GPC6: variants seen among roughly 807,000 people sequenced by gnomAD.
The protein encoded by GPC6 is glypican 6, also known as glypican-6.
Under a neutral mutation model 55.2 loss-of-function variants are expected in GPC6, and 14 were observed. The observed-to-expected ratio is 0.25, with a 90% confidence interval of 0.17 to 0.40. The LOEUF is 0.40. Among genes scored for constraint, GPC6 ranks in the 10% least tolerant of loss-of-function variants. GPC6 has a pLI of 1.00. For synonymous variants in GPC6, 278 were observed against 259.6 expected (o/e 1.07, Z -0.68); for missense variants, 641 against 708.5 (o/e 0.90, Z 1.08).
chr13:93,628,862 A>G (rs1879314671), intron 2 of GPC6, among the ~76,000 whole-genome samples: 1 of 152,186 alleles, frequency 6.6e-6, no homozygotes, highest in Non-Finnish European at 1.5e-5. Flanking sequence ...ATGGAAACAA[A>G]GATTAGTTTT....
At chr13:94,245,892 G>A (rs747025109) in intron 4 of GPC6, among the ~76,000 whole-genome samples, 3 of 152,100 alleles carry the variant, frequency 2.0e-5, no homozygotes, top group Non-Finnish European at 2.9e-5. Flanking sequence ...AAGAGGAATT[G>A]CTACAACATA....
At chr13:93,608,839 A>G (rs568964110) in intron 2 of GPC6, among the ~76,000 whole-genome samples, 59 of 152,272 alleles carry the variant, frequency 3.9e-4, no homozygotes, top group African/African-American at 1.4e-3. Flanking sequence ...TGTCCCCAAT[A>G]TCTAATTCCA....
At chr13:94,243,559 C>A (rs1891115917) in intron 4 of GPC6, among the ~76,000 whole-genome samples, 1 of 152,224 alleles carries the variant, frequency 6.6e-6, no homozygotes, top group African/African-American at 2.4e-5. Flanking sequence ...AACAGTTATA[C>A]TCCTGAGCTT....
intron 4 of GPC6, among the ~76,000 whole-genome samples, chr13:94,064,861 C>A (rs1884461102): frequency 6.6e-6 from 1 of 152,086 alleles, no homozygotes; most frequent in Admixed American, 6.5e-5. Context: ...TTTAAACCTC[C>A]CAAGTACTCT....
chr13:93,708,199 G>C (rs1237493064), intron 2 of GPC6, among the ~76,000 whole-genome samples: 1 of 151,752 alleles, frequency 6.6e-6, no homozygotes, highest in Non-Finnish European at 1.5e-5. Flanking sequence ...GTGGGCACTT[G>C]TATGTGTACA....
chr13:93,409,276 A>G (rs545402765), intron 1 of GPC6, among the ~76,000 whole-genome samples: 2 of 152,162 alleles, frequency 1.3e-5, no homozygotes, highest in South Asian at 4.2e-4. Context: ...AAGATGGACA[A>G]AAGTATATAA....
rs573832227 is a variant in GPC6, at chr13:93,637,805, T to C, written c.319+92384T>C. ...AAATTTGCAGCCTGAAATGCATTGCTAGAATAGGTTGATTATGATGGAAGG... is the reference window on the plus strand; with the variant it reads ...AAATTTGCAGCCTGAAATGCATTGCCAGAATAGGTTGATTATGATGGAAGG... On this transcript the variant is annotated intron_variant, in intron 2 of 8. Transcript: ENST00000377047. Among the ~76,000 whole-genome samples the C allele has an allele frequency of 2.0e-5, 3 of 152,084 alleles. No homozygotes were observed. The South Asian group carries it at 6.2e-4, about 32-fold the overall frequency.
intron 1 of GPC6, among the ~76,000 whole-genome samples, chr13:93,519,702 A>C (rs1395351620): frequency 6.6e-6 from 1 of 151,960 alleles, no homozygotes; most frequent in South Asian, 2.1e-4. Context: ...CCTCTTAGAG[A>C]AACAGGTAAC....
intron 1 of GPC6, among the ~76,000 whole-genome samples, chr13:93,280,149 A>G (rs557148610): frequency 1.2e-4 from 18 of 152,258 alleles, no homozygotes; most frequent in African/African-American, 3.6e-4. Flanking sequence ...ATCTCCTCCC[A>G]GAGTCCTCAG....
chr13:93,540,498 C>T (rs551238424), intron 1 of GPC6, among the ~76,000 whole-genome samples: 6 of 151,796 alleles, frequency 4.0e-5, no homozygotes, highest in Non-Finnish European at 8.8e-5. Flanking sequence ...TATTTTTTGT[C>T]TCCTTTTCTA....
chr13:93,326,336 T>C (rs1372520128), intron 1 of GPC6, among the ~76,000 whole-genome samples: 1 of 152,186 alleles, frequency 6.6e-6, no homozygotes, highest in South Asian at 2.1e-4. Context: ...GATTCTTTAC[T>C]TATTACTGCC....
intron 4 of GPC6, among the ~76,000 whole-genome samples, chr13:94,072,153 AAG>A (rs1460814420): frequency 6.6e-6 from 1 of 152,198 alleles, no homozygotes; most frequent in Non-Finnish European, 1.5e-5. Flanking sequence ...GTTTTTTAAA[AAG>A]TTACCATCTA....
intron 2 of GPC6, among the ~76,000 whole-genome samples, chr13:93,652,231 C>T (rs1474383179): frequency 6.6e-6 from 1 of 152,156 alleles, no homozygotes; most frequent in Non-Finnish European, 1.5e-5. Context: ...CTAATCCATG[C>T]ATATTGATTA....
chr13:93,570,559 A>G (rs1037826726), intron 2 of GPC6, among the ~76,000 whole-genome samples: 1 of 152,202 alleles, frequency 6.6e-6, no homozygotes, highest in Non-Finnish European at 1.5e-5. Context: ...AAGAGAGCAT[A>G]TACTAGGCAT....
intron 2 of GPC6, among the ~76,000 whole-genome samples, chr13:93,637,145 A>G (rs1879735182): frequency 3.9e-5 from 6 of 152,260 alleles, no homozygotes; most frequent in Admixed American, 3.9e-4. Context: ...CATTCTCTAA[A>G]ACAAAGACTA....
At chr13:93,762,966 T>C (rs1220487719) in intron 2 of GPC6, among the ~76,000 whole-genome samples, 1 of 152,086 alleles carries the variant, frequency 6.6e-6, no homozygotes, top group Non-Finnish European at 1.5e-5. Context: ...AGTAATAGAG[T>C]GCACCTTGGA....
intron 1 of GPC6, among the ~76,000 whole-genome samples, chr13:93,418,497 T>C (rs115924032): frequency 0.02 from 2,980 of 151,426 alleles, 117 homozygotes; most frequent in African/African-American, 0.068. Flanking sequence ...TGTAGTGTTA[T>C]TTTATTAATA....
In GPC6 at chr13:94,403,493, T is replaced by C; in HGVS notation, c.*276T>C. 2.2e-6 allele frequency: 1 copy of C among 459,984 alleles called. No individual in the cohort carries two copies. Among genetic ancestry groups the C allele is most frequent in the Non-Finnish European group, 4.0e-6 (1 of 249,786 alleles). 28.5% of individuals were successfully genotyped at this position (459,984 alleles called of 1,614,324 possible). A position where few individuals can be genotyped will look rare whatever the true frequency, so the allele number is the denominator to read the frequency against. ...TTTCGTACCAGGAGATTTTCTTACC[T>C]TCATTTGCTTTTATGCTGCAGAAGT... On this transcript the variant is annotated 3_prime_UTR_variant, in exon 9 of 9. Transcript: ENST00000377047.
At chr13:94,183,522 C>T (rs1889067685) in intron 4 of GPC6, among the ~76,000 whole-genome samples, 1 of 152,126 alleles carries the variant, frequency 6.6e-6, no homozygotes, top group South Asian at 2.1e-4. Flanking sequence ...GTACTGTGAA[C>T]ATTGGTATAC....
Sources: allele counts gnomAD v4.1 joint callset (sites outside exome capture counted in the v4.1 genomes callset), GRCh38; gene constraint gnomAD v4.1.1; transcripts MANE v1.5; gene names NCBI Gene and HGNC (gene_info 2026-07-23, HGNC 2026-07-21).